Variants in ADAMTS19 observed in about 807,000 individuals in gnomAD.
ADAMTS19 encodes the protein A disintegrin and metalloproteinase with thrombospondin motifs 19.
ADAMTS19 carries 93 observed loss-of-function variants against 153.3 expected under a neutral mutation model. That is an observed-to-expected ratio of 0.61 (90% CI 0.51 to 0.72). ADAMTS19 has a LOEUF of 0.72. Ranked by LOEUF, ADAMTS19 falls within the 30% of genes least tolerant of loss-of-function variation. ADAMTS19 has a pLI of 0.00. For missense variants in ADAMTS19, 1,482 were observed against 1,552.1 expected (o/e 0.95, Z 0.76); for synonymous variants, 600 against 556.6 (o/e 1.08, Z -1.10).
At position 129,460,766 on chromosome 5, in the gene ADAMTS19, G is replaced by T. The variant is rs566437504; in HGVS notation, c.91+284G>T. 3.6e-5 allele frequency: 20 copies of T among 560,586 alleles called. 1 individual carries two copies. In the South Asian group the frequency reaches 3.7e-4, roughly 10 times the overall value. 34.7% of individuals were successfully genotyped at this position (560,586 alleles called of 1,614,324 possible). A position where few individuals can be genotyped will look rare whatever the true frequency, so the allele number is the denominator to read the frequency against. On this transcript the variant is annotated intron_variant, in intron 1 of 22. Transcript: ENST00000274487. ...TGGAGGAAAATTAGAACGTACCTAA[G>T]TTGATAGCAACGCTCTGCTCTAGCA... is the stretch of plus-strand genomic sequence containing the variant.
intron 21 of ADAMTS19, among the ~76,000 whole-genome samples, chr5:129,715,168 T>A (rs529988851): frequency 2.6e-5 from 4 of 152,334 alleles, no homozygotes; most frequent in African/African-American, 9.6e-5. Context: ...GGAAATGAAT[T>A]TTTTTACTTA....
In ADAMTS19 at chr5:129,654,298, G is replaced by C; in HGVS notation, c.2177-8G>C. 6.2e-7 allele frequency: 1 copy of C among 1,602,128 alleles called. No individual in the cohort carries two copies. The highest frequency in any genetic ancestry group is 1.1e-5 in the South Asian group (1 of 88,442). ...TTTCTCATTTCTTTTTATCTACTCT[G>C]TATGTAGAAAAACCATGTGCCTTGT... On this transcript the variant is annotated splice_region_variant and splice_polypyrimidine_tract_variant and intron_variant, in intron 13 of 22. Transcript: ENST00000274487.
At chr5:129,697,449 A>C (rs1016946861) in intron 19 of ADAMTS19, among the ~76,000 whole-genome samples, 2 of 152,194 alleles carry the variant, frequency 1.3e-5, no homozygotes, top group East Asian at 3.8e-4. Flanking sequence ...GTCCTACCCC[A>C]GGCAAATATA....
At chr5:129,612,865 C>CA (rs1158397898) in intron 8 of ADAMTS19, among the ~76,000 whole-genome samples, 1 of 151,658 alleles carries the variant, frequency 6.6e-6, no homozygotes, top group East Asian at 1.9e-4. Flanking sequence ...AAATGGAAAA[C>CA]AAAAAAGGCA....
At chr5:129,616,444 A>G (rs1751532714) in intron 8 of ADAMTS19, among the ~76,000 whole-genome samples, 1 of 152,030 alleles carries the variant, frequency 6.6e-6, no homozygotes, top group Non-Finnish European at 1.5e-5. Flanking sequence ...TACAAATCAG[A>G]TCCTTTCCAA....
At chr5:129,662,931 G>A (rs1753879621) in intron 15 of ADAMTS19, among the ~76,000 whole-genome samples, 1 of 117,502 alleles carries the variant, frequency 8.5e-6, no homozygotes, top group Admixed American at 1.2e-4. Flanking sequence ...GCCTCACTCT[G>A]TCACCCAGGC....
Position 129,734,919 on chromosome 5 carries a change from G to A in ADAMTS19, c.3313-13G>A, listed in dbSNP as rs374406745. Reference sequence around the variant, plus strand: ...ATAAAAAAGAACCTAAACAAACCTTGTATTTCTCCTAGTGCTCAATTACCT... The same window carrying A: ...ATAAAAAAGAACCTAAACAAACCTTATATTTCTCCTAGTGCTCAATTACCT... On this transcript the variant is annotated splice_polypyrimidine_tract_variant and intron_variant, in intron 21 of 22. Transcript: ENST00000274487. 1.0e-5 allele frequency: 16 copies of A among 1,543,870 alleles called. No individual in the cohort carries two copies. The highest frequency in any genetic ancestry group is 1.4e-5 in the Non-Finnish European group (16 of 1,147,660).
intron 10 of ADAMTS19, among the ~76,000 whole-genome samples, chr5:129,630,489 G>C (rs984000583): frequency 6.6e-6 from 1 of 152,156 alleles, no homozygotes; most frequent in Admixed American, 6.6e-5. Context: ...TTCAACAAAA[G>C]TAACAAGGCA....
At chr5:129,471,040 G>T (rs1750046379) in intron 2 of ADAMTS19, among the ~76,000 whole-genome samples, 1 of 142,570 alleles carries the variant, frequency 7.0e-6, no homozygotes, top group Non-Finnish European at 1.5e-5. Flanking sequence ...GTTTCTTCAA[G>T]TGTGGTGTGT....
intron 13 of ADAMTS19, among the ~76,000 whole-genome samples, chr5:129,652,944 T>C (rs1309776785): frequency 6.6e-6 from 1 of 152,178 alleles, no homozygotes; most frequent in African/African-American, 2.4e-5. Flanking sequence ...ACGGAAATGC[T>C]TTATTGCGGC....
intron 3 of ADAMTS19, among the ~76,000 whole-genome samples, chr5:129,518,433 T>C (rs1751684846): frequency 6.6e-6 from 1 of 152,152 alleles, no homozygotes; most frequent in South Asian, 2.1e-4. Context: ...AAGTGTTTAT[T>C]TTTCCTTCAT....
chr5:129,711,580 G>A (rs1478043578), intron 21 of ADAMTS19, among the ~76,000 whole-genome samples: 4 of 152,096 alleles, frequency 2.6e-5, no homozygotes, highest in African/African-American at 7.2e-5. Flanking sequence ...GGTAGGCTGA[G>A]GCAGAAAATT....
intron 6 of ADAMTS19, among the ~76,000 whole-genome samples, chr5:129,531,290 A>C (rs1752194509): frequency 6.6e-6 from 1 of 152,172 alleles, no homozygotes; most frequent in Non-Finnish European, 1.5e-5. Flanking sequence ...TAATTTGTAA[A>C]GGCAGAGGAC....
chr5:129,481,720 A>G (rs1750416645), intron 2 of ADAMTS19, among the ~76,000 whole-genome samples: 1 of 152,190 alleles, frequency 6.6e-6, no homozygotes, highest in Non-Finnish European at 1.5e-5. Context: ...GTAAAACAAC[A>G]CTGAAGTAAG....
intron 21 of ADAMTS19, among the ~76,000 whole-genome samples, chr5:129,721,625 C>T (rs540044896): frequency 1.3e-5 from 2 of 152,010 alleles, no homozygotes; most frequent in South Asian, 4.2e-4. Context: ...TTCCAGGATA[C>T]GTGTGCAGAA....
At chr5:129,573,504 C>T (rs1008606567) in intron 7 of ADAMTS19, among the ~76,000 whole-genome samples, 1 of 152,042 alleles carries the variant, frequency 6.6e-6, no homozygotes, top group African/African-American at 2.4e-5. Flanking sequence ...TTACTTAATG[C>T]ATGTCTGTCT....
chr5:129,603,965 C>CT (rs1750780529), intron 8 of ADAMTS19, among the ~76,000 whole-genome samples: 1 of 152,164 alleles, frequency 6.6e-6, no homozygotes, highest in South Asian at 2.1e-4. Context: ...TCTGTTCCCA[C>CT]TTTATCTCTT....
chr5:129,720,813 G>T (rs1197120614), intron 21 of ADAMTS19, among the ~76,000 whole-genome samples: 1 of 152,172 alleles, frequency 6.6e-6, no homozygotes, highest in East Asian at 1.9e-4. Flanking sequence ...AAATGAAGTT[G>T]TTCAGAAGTG....
chr5:129,572,437 C>G (rs185413589), intron 7 of ADAMTS19, among the ~76,000 whole-genome samples: 2 of 151,832 alleles, frequency 1.3e-5, no homozygotes, highest in African/African-American at 4.8e-5. Context: ...TTCAAAAAAA[C>G]GAAAACTTAC....
Sources: allele counts gnomAD v4.1 joint callset (sites outside exome capture counted in the v4.1 genomes callset), GRCh38; gene constraint gnomAD v4.1.1; transcripts MANE v1.5; gene names NCBI Gene and HGNC (gene_info 2026-07-23, HGNC 2026-07-21).